Variants in ABCB4 observed in about 807,000 individuals in gnomAD.
ABCB4 encodes the protein ATP binding cassette subfamily B member 4, also known as phosphatidylcholine translocator ABCB4.
In ABCB4, 76 loss-of-function variants were observed where a neutral mutation model predicts 145.7. The observed-to-expected ratio is 0.52, with a 90% confidence interval of 0.43 to 0.63. The LOEUF is 0.63. Among genes scored for constraint, ABCB4 ranks in the 30% least tolerant of loss-of-function variants. ABCB4 has a pLI of 0.00. For missense variants in ABCB4, 1,234 were observed against 1,553.1 expected (o/e 0.79, Z 3.45); for synonymous variants, 517 against 566.8 (o/e 0.91, Z 1.25).
At chr7:87,454,854 T>C (rs1158630799) in intron 4 of ABCB4, among the ~76,000 whole-genome samples, 4 of 152,204 alleles carry the variant, frequency 2.6e-5, no homozygotes, top group Admixed American at 2.6e-4. Flanking sequence ...TCCCCCATCC[T>C]GGCGGTCTCA....
chr7:87,372,008 A>C, the ABCB4 span, among the ~76,000 whole-genome samples: 11,146 of 41,790 alleles, frequency 0.27, 378 homozygotes, highest in Non-Finnish European at 0.39. Context: ...AAAAAAAAAC[A>C]AAAAAAAAAA....
At chr7:87,420,929 C>T (rs1304745537) in intron 18 of ABCB4, among the ~76,000 whole-genome samples, 5 of 152,144 alleles carry the variant, frequency 3.3e-5, no homozygotes, top group African/African-American at 1.2e-4. Context: ...ACAGAAGTAA[C>T]AAAGTCCTAC....
intron 6 of ABCB4, 190 bp downstream of exon 6, chr7:87,452,754 A>C: frequency 1.5e-6 from 1 of 667,344 alleles, no homozygotes; most frequent in Non-Finnish European, 2.6e-6. Flanking sequence ...CCTACTATGC[A>C]CCTTGGGGGA....
intron 18 of ABCB4, among the ~76,000 whole-genome samples, chr7:87,421,523 AAG>A (rs1738792504): frequency 6.6e-6 from 1 of 152,214 alleles, no homozygotes; most frequent in South Asian, 2.1e-4. Context: ...ACAATAATAA[AAG>A]AGAAGCATGC....
chr7:87,471,372 A>T (rs1414086131), intron 3 of ABCB4, among the ~76,000 whole-genome samples: 3 of 152,200 alleles, frequency 2.0e-5, no homozygotes, highest in Non-Finnish European at 4.4e-5. Flanking sequence ...AATTTAAACA[A>T]ATTTAAAAAA....
At chr7:87,382,255 A>G in the ABCB4 span, 1 of 1,446,662 alleles carries the variant, frequency 6.9e-7, no homozygotes, top group Non-Finnish European at 9.6e-7. Context: ...TTTGGCTGTC[A>G]TCCAAGCATG....
At position 87,444,925 on chromosome 7, in the gene ABCB4, T is replaced by C. The variant is rs758411712; in HGVS notation, c.1056A>G (p.Pro352=). 6 of 1,607,690 alleles carry C rather than the reference T, an allele frequency of 3.7e-6. No individual in the cohort carries two copies. Among genetic ancestry groups the C allele is most frequent in the Non-Finnish European group, 4.2e-6 (5 of 1,179,558 alleles). Residue 352 remains proline (P), a synonymous_variant, in exon 10 of 28, where the codon CCA becomes CCG. Coordinates refer to ENST00000649586, the MANE Select transcript of ABCB4 (RefSeq NM_000443.4). The stretch of plus-strand genomic sequence containing the variant: ...TTGCATTGGCAAAAGCATCAATACA[T>C]GGGGCAGCCTGGCCAACACTGAAAG... The part of the protein sequence containing the change: ...IGAFSVGQAA[P]CIDAFANARG...
At chr7:87,382,533 C>T in the ABCB4 span, 2 of 1,613,530 alleles carry the variant, frequency 1.2e-6, no homozygotes, top group South Asian at 1.1e-5. Context: ...CTATTACAGA[C>T]TTCATGGACA....
At chr7:87,408,458 G>A (rs1808372727) in intron 24 of ABCB4, among the ~76,000 whole-genome samples, 1 of 152,176 alleles carries the variant, frequency 6.6e-6, no homozygotes, top group African/African-American at 2.4e-5. Flanking sequence ...ATTACCATGA[G>A]TTGTTATCTA....
Position 87,419,991 on chromosome 7 carries a change from C to A in ABCB4, c.2394+7G>T. ...ATCAGAAGGCATTCTCCAGCGCACACTCCTACCTGTCTTAGCATTGCTTTA... is the reference window on the plus strand; with the variant it reads ...ATCAGAAGGCATTCTCCAGCGCACAATCCTACCTGTCTTAGCATTGCTTTA... On this transcript the variant is annotated splice_region_variant and intron_variant, in intron 19 of 27. Transcript: ENST00000649586. The A allele has an allele frequency of 6.2e-7, 1 of 1,613,724 alleles. No homozygotes were observed. Among genetic ancestry groups the A allele is most frequent in the Non-Finnish European group, 8.5e-7 (1 of 1,179,634 alleles).
At position 87,419,803 on chromosome 7, in the gene ABCB4, C is replaced by A. The variant is rs6978808; in HGVS notation, c.2394+195G>T. 0.016 allele frequency among the ~76,000 whole-genome samples: 2,177 copies of A among 134,446 alleles called. 61 individuals carry two copies. The highest frequency in any genetic ancestry group is 0.055 in the African/African-American group (2,007 of 36,646). 88.2% of individuals were successfully genotyped at this position (134,446 alleles called of 152,430 possible). A position where few individuals can be genotyped will look rare whatever the true frequency, so the allele number is the denominator to read the frequency against. ...CTATTTCTATGAAAAAAAACAAAAA[C>A]AAAAAAAAAACAAAAAAAACATGAG... is the stretch of plus-strand genomic sequence containing the variant. On this transcript the variant is annotated intron_variant, in intron 19 of 27. Transcript: ENST00000649586.
Position 87,407,962 on chromosome 7 carries a change from AT to A in ABCB4, c.3279+74del, listed in dbSNP as rs1045923356. On this transcript the variant is annotated intron_variant, in intron 25 of 27. Coordinates refer to ENST00000649586, the MANE Select transcript of ABCB4 (RefSeq NM_000443.4). ...GATTCTAGGTCTACATTTGTCCAAT[AT>A]TTTCCATTATGACAATATTGGTTGG... The A allele has an allele frequency of 2.9e-5, 46 of 1,585,542 alleles. No homozygotes were observed. In the African/African-American group the frequency reaches 6.2e-4, roughly 21 times the overall value.
intron 6 of ABCB4, among the ~76,000 whole-genome samples, chr7:87,452,116 A>C (rs45539340): frequency 0.019 from 2,932 of 152,334 alleles, 94 homozygotes; most frequent in African/African-American, 0.067. Flanking sequence ...TGCAACAATA[A>C]TAAGCAACAG....
At chr7:87,471,344 C>A (rs1249395005) in intron 3 of ABCB4, among the ~76,000 whole-genome samples, 2 of 151,498 alleles carry the variant, frequency 1.3e-5, no homozygotes. Context: ...TGCACATGTA[C>A]CCTAGAACTT....
Position 87,443,710 on chromosome 7 carries a change from C to T in ABCB4, c.1183G>A (p.Glu395Lys). The change falls in exon 11 of 28, where the codon GAG (glutamate) becomes AAG (lysine). Residue 395 changes from glutamate (E) to lysine (K), a missense_variant. Glu to Lys is a moderately conservative substitution (Grantham distance 56, BLOSUM62 1). Around this residue, in one of 7 missense-constraint regions of ABCB4, gnomAD observed 467 missense variants for 632.8 expected, o/e 0.74. Coordinates refer to ENST00000649586, the MANE Select transcript of ABCB4 (RefSeq NM_000443.4). ...TAAGAAAAGTGAACATCATTGAACT[C>T]CAAATTCCCTTTGATGCTGTCTGGT... ...HKPDSIKGNL[E>K]FNDVHFSYPS... The T allele has an allele frequency of 1.2e-6, 2 of 1,614,008 alleles. No individual in the cohort carries two copies. Among genetic ancestry groups the T allele is most frequent in the South Asian group, 1.1e-5 (1 of 91,076 alleles).
intron 14 of ABCB4, among the ~76,000 whole-genome samples, chr7:87,436,086 G>A (rs957681668): frequency 1.3e-5 from 2 of 152,198 alleles, no homozygotes; most frequent in Admixed American, 1.3e-4. Flanking sequence ...GGAGAGACAA[G>A]TGGATTCCCC....
rs577242696 is a variant in ABCB4, at chr7:87,401,847, T to G, written c.*249A>C. On this transcript the variant is annotated 3_prime_UTR_variant, in exon 28 of 28. Coordinates refer to ENST00000649586, the MANE Select transcript of ABCB4 (RefSeq NM_000443.4). ...CCTGTACTTACCTTGAATTTTGTTCTTTTTCTGGATGTTTCTAATAACTTA... is the reference window on the plus strand; with the variant it reads ...CCTGTACTTACCTTGAATTTTGTTCGTTTTCTGGATGTTTCTAATAACTTA... The G allele has an allele frequency of 1.6e-6, 1 of 639,918 alleles. No homozygotes were observed. Among genetic ancestry groups the G allele is most frequent in the South Asian group, 1.5e-5 (1 of 64,862 alleles). The allele number at this position is 639,918 out of a possible 1,614,324, so 39.6% of individuals were successfully genotyped here. A position where few individuals can be genotyped will look rare whatever the true frequency, so the allele number is the denominator to read the frequency against.
At chr7:87,425,800 C>T (rs566770093) in intron 16 of ABCB4, among the ~76,000 whole-genome samples, 75 of 151,980 alleles carry the variant, frequency 4.9e-4, no homozygotes, top group South Asian at 2.5e-3. Flanking sequence ...CAGTTGAGCC[C>T]GGGAAGTGGA....
At chr7:87,427,889 C>A (rs770433374) in intron 15 of ABCB4, among the ~76,000 whole-genome samples, 3 of 152,062 alleles carry the variant, frequency 2.0e-5, no homozygotes, top group African/African-American at 7.2e-5. Flanking sequence ...CAGTTTTATA[C>A]CATCTCTCAA....
Sources: gnomAD v4.1 joint callset for allele counts (sites outside exome capture counted in the v4.1 genomes callset) on GRCh38, gnomAD v4.1.1 for gene constraint, gnomAD v4.1.1 regional missense constraint, MANE v1.5 for transcripts, NCBI Gene and HGNC (gene_info 2026-07-23, HGNC 2026-07-21) for gene names.